The following ZNF609 variants were observed in gnomAD, a reference collection of about 807,000 sequenced individuals.
ZNF609 encodes the protein zinc finger protein 609.
A neutral mutation model predicts 109.5 loss-of-function variants in ZNF609; 11 were observed. The observed-to-expected ratio is 0.10, with a 90% CI of 0.06 to 0.17. The LOEUF is 0.17. Ranked by LOEUF, ZNF609 falls within the 10% of genes least tolerant of loss-of-function variation. ZNF609 has a pLI of 1.00. For missense variants in ZNF609, 1,559 were observed against 1,772.4 expected (o/e 0.88, Z 2.16); for synonymous variants, 646 against 662.0 (o/e 0.98, Z 0.37).
At chr15:64,499,252 T>G in intron 1 of ZNF609, 41 bp from the exon 2 acceptor site, 2 of 826,260 alleles carry the variant, frequency 2.4e-6, no homozygotes, top group Non-Finnish European at 3.6e-6. Flanking sequence ...CTCTTGCCTG[T>G]ATTGTTTCTT....
intron 3 of ZNF609, among the ~76,000 whole-genome samples, chr15:64,628,425 A>G (rs1195270232): frequency 6.6e-6 from 1 of 151,632 alleles, no homozygotes; most frequent in Non-Finnish European, 1.5e-5. Flanking sequence ...GGGAAGCTGA[A>G]GCAGGTGGAT....
intron 2 of ZNF609, among the ~76,000 whole-genome samples, chr15:64,527,281 A>G (rs1437909526): frequency 6.7e-6 from 1 of 148,180 alleles, no homozygotes; most frequent in East Asian, 1.9e-4. Context: ...TTGTCGTCAG[A>G]TATCAGCTAC....
chr15:64,655,393 G>T (rs1293777027), intron 3 of ZNF609, among the ~76,000 whole-genome samples: 1 of 151,966 alleles, frequency 6.6e-6, no homozygotes, highest in South Asian at 2.1e-4. Context: ...CCAAGATCGT[G>T]CCATTGCACT....
At position 64,500,553 on chromosome 15, in the gene ZNF609, T is replaced by G. The variant is rs1357993116; in HGVS notation, c.747+387T>G. 11 of 608,910 alleles carry G rather than the reference T, an allele frequency of 1.8e-5. No individual in the cohort carries two copies. In the African/African-American group the frequency reaches 1.9e-4, roughly 10 times the overall value. The allele number at this position is 608,910 out of a possible 1,614,324, so 37.7% of individuals were successfully genotyped here. ...CATTTCATCATCAGACTCATAATAG[T>G]TGATAAACAATACGCCTTTGGTGAT... On this transcript the variant is annotated intron_variant, in intron 2 of 9. Coordinates refer to ENST00000326648, the MANE Select transcript of ZNF609 (RefSeq NM_015042.2).
intron 2 of ZNF609, among the ~76,000 whole-genome samples, chr15:64,602,889 ATTTTTTTTTTTTTTTTTTT>A (rs10600562): frequency 1.3e-5 from 1 of 75,166 alleles, no homozygotes; most frequent in African/African-American, 5.6e-5. Flanking sequence ...CTCTGGGCTA[ATTTTTTTTTTTTTTTTTTT>A]TTTTTTTTTT....
At chr15:64,657,537 C>T (rs1314488101) in intron 3 of ZNF609, among the ~76,000 whole-genome samples, 2 of 152,144 alleles carry the variant, frequency 1.3e-5, no homozygotes, top group South Asian at 2.1e-4. Flanking sequence ...TCACTTGAAC[C>T]CCGTAGACGG....
At chr15:64,555,292 A>G (rs990696738) in intron 2 of ZNF609, among the ~76,000 whole-genome samples, 10 of 151,832 alleles carry the variant, frequency 6.6e-5, no homozygotes, top group African/African-American at 2.4e-4. Context: ...GCTTGAGCCC[A>G]GGAGGTTGAG....
chr15:64,675,174 C>T lies in ZNF609; in HGVS notation c.2320C>T (p.Leu774=), dbSNP rs1896790650. Residue 774 remains leucine, a synonymous_variant, in exon 5 of 10, where the codon CTA becomes TTA. Transcript: ENST00000326648. The stretch of plus-strand genomic sequence containing the variant: ...AGATGGGATGAAAATGGAGGGGCTC[C>T]TAAATGGCTCATCAGACCCCCACCA... ...SGDGMKMEGL[L]NGSSDPHQSR... 6.2e-7 allele frequency: 1 copy of T among 1,613,944 alleles called. No homozygotes were observed. The highest frequency in any genetic ancestry group is 1.7e-5 in the Admixed American group (1 of 60,004).
chr15:64,584,530 A>T, intron 2 of ZNF609, among the ~76,000 whole-genome samples: 1 of 152,014 alleles, frequency 6.6e-6, no homozygotes, highest in Middle Eastern at 3.2e-3. Flanking sequence ...CGAACTCGTG[A>T]CCTCAAGTAA....
At chr15:64,616,037 G>A (rs1895793562) in intron 2 of ZNF609, among the ~76,000 whole-genome samples, 1 of 151,804 alleles carries the variant, frequency 6.6e-6, no homozygotes, top group African/African-American at 2.4e-5. Context: ...TTTTTTTTCA[G>A]ATAGGGTCTC....
chr15:64,653,842 C>G (rs1054612641), intron 3 of ZNF609, among the ~76,000 whole-genome samples: 1 of 152,124 alleles, frequency 6.6e-6, no homozygotes, highest in African/African-American at 2.4e-5. Flanking sequence ...AGATATCACA[C>G]TCTCCTAGAC....
chr15:64,506,451 T>G (rs1893639185), intron 2 of ZNF609, among the ~76,000 whole-genome samples: 1 of 144,626 alleles, frequency 6.9e-6, no homozygotes, highest in African/African-American at 2.5e-5. Context: ...CCGGGCGCGG[T>G]GGCTCACGCC....
At chr15:64,647,763 T>C (rs542735705) in intron 3 of ZNF609, among the ~76,000 whole-genome samples, 1 of 152,218 alleles carries the variant, frequency 6.6e-6, no homozygotes, top group Non-Finnish European at 1.5e-5. Context: ...GAGCTTCATT[T>C]TTTACATCAT....
chr15:64,627,721 A>T (rs72742968), intron 3 of ZNF609, among the ~76,000 whole-genome samples: 8,518 of 126,858 alleles, frequency 0.067, 255 homozygotes, highest in South Asian at 0.086. Context: ...AGCCTGGAGT[A>T]TAGCAACAAC....
intron 2 of ZNF609, among the ~76,000 whole-genome samples, chr15:64,536,099 T>TA (rs1210927939): frequency 6.6e-6 from 1 of 152,180 alleles, no homozygotes; most frequent in African/African-American, 2.4e-5. Context: ...AGTGCCATTG[T>TA]AGCTTTGAAC....
At chr15:64,606,072 A>G (rs1895593445) in intron 2 of ZNF609, among the ~76,000 whole-genome samples, 1 of 150,204 alleles carries the variant, frequency 6.7e-6, no homozygotes, top group South Asian at 2.1e-4. Context: ...TGAGATTTCA[A>G]CCAGTCTGTC....
At chr15:64,492,657 C>T (rs1275164039) in intron 1 of ZNF609, among the ~76,000 whole-genome samples, 3 of 152,204 alleles carry the variant, frequency 2.0e-5, no homozygotes, top group Admixed American at 2.0e-4. Flanking sequence ...GCTGGGATTA[C>T]AGTCGTGAGG....
At chr15:64,534,560 C>A (rs975484691) in intron 2 of ZNF609, among the ~76,000 whole-genome samples, 1 of 152,024 alleles carries the variant, frequency 6.6e-6, no homozygotes, top group African/African-American at 2.4e-5. Flanking sequence ...GGTGATCTGC[C>A]CACCTTGGCC....
chr15:64,571,645 A>G (rs1242200544), intron 2 of ZNF609, among the ~76,000 whole-genome samples: 3 of 152,098 alleles, frequency 2.0e-5, no homozygotes, highest in Non-Finnish European at 4.4e-5. Flanking sequence ...ACAGGATTCA[A>G]ACTCTCTAGT....
Sources: allele counts gnomAD v4.1 joint callset (sites outside exome capture counted in the v4.1 genomes callset), GRCh38; gene constraint gnomAD v4.1.1; transcripts MANE v1.5; gene names NCBI Gene and HGNC (gene_info 2026-07-23, HGNC 2026-07-21).